The following ADGRL2 variants were observed in gnomAD, a reference collection of about 807,000 sequenced individuals.
The protein encoded by ADGRL2 is adhesion G protein-coupled receptor L2.
ADGRL2 carries 44 observed loss-of-function variants against 157.4 expected under a neutral mutation model. That is an observed-to-expected ratio of 0.28 (90% CI 0.22 to 0.36). The LOEUF is 0.36. Among genes scored for constraint, ADGRL2 ranks in the 10% least tolerant of loss-of-function variants. ADGRL2 has a pLI of 1.00. For synonymous variants in ADGRL2, 585 were observed against 624.7 expected (o/e 0.94, Z 0.95); for missense variants, 1,510 against 1,768.9 (o/e 0.85, Z 2.63).
intron 2 of ADGRL2, among the ~76,000 whole-genome samples, chr1:81,855,037 C>A (rs17107361): frequency 2.6e-5 from 4 of 151,994 alleles, no homozygotes; most frequent in Non-Finnish European, 1.5e-5. Context: ...CTATTGAAAG[C>A]GTTGAGAATA....
chr1:81,737,926 T>G (rs1230593155), intron 1 of ADGRL2, among the ~76,000 whole-genome samples: 1 of 152,200 alleles, frequency 6.6e-6, no homozygotes, highest in Non-Finnish European at 1.5e-5. Flanking sequence ...CATAAAATAC[T>G]TTTGCTGAAT....
intron 1 of ADGRL2, among the ~76,000 whole-genome samples, chr1:81,816,523 C>T (rs1040432231): frequency 6.6e-6 from 1 of 151,670 alleles, no homozygotes; most frequent in African/African-American, 2.4e-5. Context: ...TCACTACTTG[C>T]CATGCAAACT....
At chr1:81,661,463 G>C (rs1447855406) in intron 3 of ADGRL2, among the ~76,000 whole-genome samples, 1 of 152,098 alleles carries the variant, frequency 6.6e-6, no homozygotes, top group Non-Finnish European at 1.5e-5. Context: ...ACTATTCCAT[G>C]GAAAAAGCAT....
At chr1:81,681,376 T>A in intron 3 of ADGRL2, among the ~76,000 whole-genome samples, 1 of 152,206 alleles carries the variant, frequency 6.6e-6, no homozygotes, top group East Asian at 1.9e-4. Flanking sequence ...TCTCCTGTCT[T>A]CTGTTTGAAA....
At chr1:81,640,222 C>A (rs1413670019) in intron 3 of ADGRL2, among the ~76,000 whole-genome samples, 1 of 152,052 alleles carries the variant, frequency 6.6e-6, no homozygotes, top group Non-Finnish European at 1.5e-5. Flanking sequence ...GCCACCATTG[C>A]CTATAAATGG....
At chr1:81,972,618 C>G (rs1659066462) in intron 17 of ADGRL2, among the ~76,000 whole-genome samples, 1 of 151,988 alleles carries the variant, frequency 6.6e-6, no homozygotes, top group Non-Finnish European at 1.5e-5. Context: ...GTATTTAAAA[C>G]TTTCACTCAG....
At chr1:81,610,535 T>G (rs890086120) in intron 3 of ADGRL2, among the ~76,000 whole-genome samples, 1 of 152,146 alleles carries the variant, frequency 6.6e-6, no homozygotes, top group African/African-American at 2.4e-5. Context: ...GAAACTTGGA[T>G]TTTATTCCAA....
At chr1:81,553,011 C>T (rs2080188634) in intron 2 of ADGRL2, among the ~76,000 whole-genome samples, 1 of 152,128 alleles carries the variant, frequency 6.6e-6, no homozygotes, top group Admixed American at 6.6e-5. Flanking sequence ...ATGAACAGGG[C>T]ATTTACAGAC....
At chr1:81,948,842 G>A (rs1225012903) in intron 6 of ADGRL2, among the ~76,000 whole-genome samples, 7 of 152,054 alleles carry the variant, frequency 4.6e-5, no homozygotes, top group Non-Finnish European at 1.0e-4. Context: ...GGGGGGGAAA[G>A]GAATAAAACG....
At chr1:81,851,271 C>T (rs1013544959) in intron 2 of ADGRL2, among the ~76,000 whole-genome samples, 5 of 151,882 alleles carry the variant, frequency 3.3e-5, no homozygotes, top group South Asian at 2.1e-4. Context: ...AGTCAGCTAA[C>T]GTTGGCTTCT....
intron 1 of ADGRL2, among the ~76,000 whole-genome samples, chr1:81,381,954 C>T (rs67026005): frequency 0.072 from 10,892 of 152,210 alleles, 796 homozygotes; most frequent in African/African-American, 0.19. Flanking sequence ...TGAAGGAGGT[C>T]ATGCCCTTCG....
chr1:81,959,338 T>C (rs1654586705), intron 11 of ADGRL2, among the ~76,000 whole-genome samples: 1 of 152,232 alleles, frequency 6.6e-6, no homozygotes, highest in Non-Finnish European at 1.5e-5. Flanking sequence ...CTTTTGCCTA[T>C]TTTTAATTGG....
intron 2 of ADGRL2, among the ~76,000 whole-genome samples, chr1:81,536,776 G>A (rs1388350510): frequency 6.6e-6 from 1 of 152,078 alleles, no homozygotes; most frequent in Admixed American, 6.6e-5. Flanking sequence ...ATAATATATT[G>A]ATAAAATGGT....
At chr1:81,328,936 C>G (rs1661085040) in intron 1 of ADGRL2, among the ~76,000 whole-genome samples, 1 of 150,732 alleles carries the variant, frequency 6.6e-6, no homozygotes, top group African/African-American at 2.4e-5. Context: ...TTGTTATTAG[C>G]CAGTAAAGGA....
chr1:81,845,417 A>T (rs1557760827), intron 2 of ADGRL2, among the ~76,000 whole-genome samples: 1 of 152,032 alleles, frequency 6.6e-6, no homozygotes, highest in Non-Finnish European at 1.5e-5. Context: ...GGCTTTTTTG[A>T]AGAGTTAAAC....
chr1:81,329,224 A>T (rs1425921196), intron 1 of ADGRL2, among the ~76,000 whole-genome samples: 1 of 152,118 alleles, frequency 6.6e-6, no homozygotes, highest in African/African-American at 2.4e-5. Flanking sequence ...AAACAATAGG[A>T]AGGGCAAGGG....
chr1:81,925,188 T>C (rs2095075855), intron 3 of ADGRL2, among the ~76,000 whole-genome samples: 1 of 152,058 alleles, frequency 6.6e-6, no homozygotes, highest in Non-Finnish European at 1.5e-5. Context: ...AGCACTTTGT[T>C]TTTAGAATAA....
chr1:81,840,876 T>G (rs1170759855), intron 2 of ADGRL2, among the ~76,000 whole-genome samples: 1 of 152,296 alleles, frequency 6.6e-6, no homozygotes, highest in Non-Finnish European at 1.5e-5. Context: ...AAAGTCAGTT[T>G]TATCGAGAGA....
At chr1:81,742,001 C>T (rs1195778149) in intron 1 of ADGRL2, among the ~76,000 whole-genome samples, 1 of 151,816 alleles carries the variant, frequency 6.6e-6, no homozygotes, top group Non-Finnish European at 1.5e-5. Flanking sequence ...ATTTGTATGA[C>T]AAAAGACTGA....
Sources: allele counts gnomAD v4.1 joint callset (sites outside exome capture counted in the v4.1 genomes callset), GRCh38; gene constraint gnomAD v4.1.1; transcripts MANE v1.5; gene names NCBI Gene and HGNC (gene_info 2026-07-23, HGNC 2026-07-21).